TBC1D19: variants seen among roughly 807,000 people sequenced by gnomAD.
TBC1D19 encodes the protein TBC1 domain family member 19.
Under a neutral mutation model 89.0 loss-of-function variants are expected in TBC1D19, and 60 were observed. That is an observed-to-expected ratio of 0.67 (90% confidence interval 0.55 to 0.84). TBC1D19 has a LOEUF of 0.84. Among genes scored for constraint, TBC1D19 ranks in the 40% least tolerant of loss-of-function variants. The probability of loss-of-function intolerance (pLI) is 0.00; values close to 1 mark genes in which losing one functional copy is unlikely to be tolerated. For missense variants in TBC1D19, 500 were observed against 610.8 expected (o/e 0.82, Z 1.91); for synonymous variants, 189 against 199.7 (o/e 0.95, Z 0.45).
chr4:26,659,478 G>T (rs1046546476), intron 7 of TBC1D19, 119 bp from the exon 8 acceptor site: 4 of 538,118 alleles, frequency 7.4e-6, no homozygotes, highest in Middle Eastern at 1.0e-3. Context: ...ATTAAAGTAT[G>T]TGCATCACCC....
At chr4:26,712,545 A>C (rs1716268884) in intron 13 of TBC1D19, among the ~76,000 whole-genome samples, 1 of 152,048 alleles carries the variant, frequency 6.6e-6, no homozygotes, top group South Asian at 2.1e-4. Flanking sequence ...CCCATTTAAA[A>C]ATCTTCTATT....
intron 19 of TBC1D19, among the ~76,000 whole-genome samples, chr4:26,750,410 G>A (rs771404123): frequency 5.9e-5 from 9 of 152,168 alleles, no homozygotes; most frequent in African/African-American, 9.6e-5. Context: ...CTTTCAAAAA[G>A]TAGAATGGGT....
intron 13 of TBC1D19, among the ~76,000 whole-genome samples, chr4:26,695,554 T>C (rs555935054): frequency 6.6e-6 from 1 of 152,158 alleles, no homozygotes; most frequent in East Asian, 1.9e-4. Flanking sequence ...AGACACATAA[T>C]TGTCGGACTC....
At chr4:26,787,225 C>T in the TBC1D19 span, among the ~76,000 whole-genome samples, 3 of 151,776 alleles carry the variant, frequency 2.0e-5, no homozygotes, top group African/African-American at 4.8e-5. Flanking sequence ...CCTCAGCTTC[C>T]CAAGTAGCTG....
intron 15 of TBC1D19, among the ~76,000 whole-genome samples, chr4:26,727,917 A>G (rs1014361640): frequency 6.6e-6 from 1 of 152,194 alleles, no homozygotes; most frequent in African/African-American, 2.4e-5. Flanking sequence ...CACAGTATGA[A>G]ATACAGTTCT....
intron 13 of TBC1D19, among the ~76,000 whole-genome samples, chr4:26,701,496 G>A (rs1715328442): frequency 6.6e-6 from 1 of 152,042 alleles, no homozygotes; most frequent in Non-Finnish European, 1.5e-5. Context: ...CTAGTATACT[G>A]TAGATACTGA....
chr4:26,743,030 A>C (rs113895776), intron 18 of TBC1D19, among the ~76,000 whole-genome samples: 5 of 152,286 alleles, frequency 3.3e-5, no homozygotes, highest in African/African-American at 9.6e-5. Context: ...AAGGAAAGCA[A>C]ATCAGGTACC....
At chr4:26,594,327 C>CG (rs1740046015) in intron 1 of TBC1D19, among the ~76,000 whole-genome samples, 1 of 152,008 alleles carries the variant, frequency 6.6e-6, no homozygotes, top group Non-Finnish European at 1.5e-5. Flanking sequence ...ACATCACACA[C>CG]GGAGGCCTGT....
intron 10 of TBC1D19, 83 bp downstream of exon 10, chr4:26,672,270 G>A (rs1712383767): frequency 8.9e-7 from 1 of 1,119,374 alleles, no homozygotes; most frequent in African/African-American, 1.7e-5. Context: ...ACCTCCAGGT[G>A]AAATTTAATC....
At position 26,596,455 on chromosome 4, in the gene TBC1D19, C is replaced by CGTGTGT. The variant is rs35226421; in HGVS notation, c.99+12191_99+12196dup. On this transcript the variant is annotated intron_variant, in intron 1 of 20. Coordinates refer to ENST00000264866, the MANE Select transcript of TBC1D19 (RefSeq NM_018317.4). ...GTTACCATTTCTGATAATGGTAACT[C>CGTGTGT]GTGTGTGTGTGTGTGTGTGTGTGTG... is the stretch of plus-strand genomic sequence containing the variant. Among the ~76,000 whole-genome samples, 409 of 145,096 alleles carry CGTGTGT rather than the reference C, an allele frequency of 2.8e-3. 5 individuals are homozygous for CGTGTGT. Among genetic ancestry groups the CGTGTGT allele is most frequent in the African/African-American group, 8.5e-3 (340 of 39,780 alleles).
At chr4:26,613,965 A>G (rs532953869) in intron 2 of TBC1D19, among the ~76,000 whole-genome samples, 1 of 152,308 alleles carries the variant, frequency 6.6e-6, no homozygotes, top group East Asian at 1.9e-4. Flanking sequence ...GTAACTCACA[A>G]TAATCTGCCT....
the TBC1D19 span, among the ~76,000 whole-genome samples, chr4:26,768,785 A>G: frequency 1.3e-5 from 2 of 152,158 alleles, no homozygotes; most frequent in Admixed American, 1.3e-4. Context: ...TACAGAGATT[A>G]AAAACTAAAA....
chr4:26,635,466 A>G (rs1443643524), intron 4 of TBC1D19, among the ~76,000 whole-genome samples: 1 of 152,122 alleles, frequency 6.6e-6, no homozygotes, highest in Non-Finnish European at 1.5e-5. Flanking sequence ...GCCAATAAAT[A>G]GAGTTAATTT....
intron 13 of TBC1D19, among the ~76,000 whole-genome samples, chr4:26,703,299 T>G (rs1054936878): frequency 6.6e-6 from 1 of 152,226 alleles, no homozygotes; most frequent in South Asian, 2.1e-4. Flanking sequence ...TTATTTTAAC[T>G]AATAAAAACG....
At chr4:26,790,543 A>T in the TBC1D19 span, among the ~76,000 whole-genome samples, 1 of 149,808 alleles carries the variant, frequency 6.7e-6, no homozygotes, top group East Asian at 1.9e-4. Context: ...TGATGGATGG[A>T]TGGATGCATA....
intron 17 of TBC1D19, among the ~76,000 whole-genome samples, chr4:26,741,236 G>A (rs1305252872): frequency 6.6e-6 from 1 of 151,608 alleles, no homozygotes. Flanking sequence ...GGCGCCTGTA[G>A]TCCCAGCTAC....
At chr4:26,628,067 G>A (rs1450848608) in intron 4 of TBC1D19, among the ~76,000 whole-genome samples, 2 of 152,104 alleles carry the variant, frequency 1.3e-5, no homozygotes, top group Non-Finnish European at 2.9e-5. Flanking sequence ...TTTTGTATAA[G>A]GTGTAAGGAA....
intron 7 of TBC1D19, 51 bp from the exon 8 acceptor site, chr4:26,659,546 G>GT (rs1392909141): frequency 1.6e-6 from 2 of 1,248,860 alleles, no homozygotes; most frequent in Non-Finnish European, 2.3e-6. Context: ...TTTTATAAGT[G>GT]TAAACATCCT....
chr4:26,612,756 C>T (rs1159955135), intron 1 of TBC1D19, among the ~76,000 whole-genome samples: 1 of 152,016 alleles, frequency 6.6e-6, no homozygotes, highest in Non-Finnish European at 1.5e-5. Context: ...AAGAGGAAGA[C>T]ACTGTGCAAA....
Sources: allele counts gnomAD v4.1 joint callset (sites outside exome capture counted in the v4.1 genomes callset), GRCh38; gene constraint gnomAD v4.1.1; transcripts MANE v1.5; gene names NCBI Gene and HGNC (gene_info 2026-07-23, HGNC 2026-07-21).